SLC26A5: variants seen among roughly 807,000 people sequenced by gnomAD.
SLC26A5 encodes prestin.
SLC26A5 carries 51 observed loss-of-function variants against 81.0 expected under a neutral mutation model. The ratio of observed to expected loss-of-function variants is 0.63; its 90% CI spans 0.50 to 0.80. The LOEUF (loss-of-function observed/expected upper bound fraction) is 0.80, where lower values mean the gene tolerates loss of function less well. Among genes scored for constraint, SLC26A5 ranks in the 30% least tolerant of loss-of-function variants. SLC26A5 has a pLI of 0.00. For missense variants in SLC26A5, 771 were observed against 905.8 expected, an observed-to-expected ratio of 0.85 and a Z score of 1.91; for synonymous variants, 325 against 332.8, an observed-to-expected ratio of 0.98 and a Z score of 0.25.
chr7:103,442,918 T>C (rs1826983756), intron 2 of SLC26A5, among the ~76,000 whole-genome samples, 165 bp downstream of exon 2: 1 of 152,168 alleles, frequency 6.6e-6, no homozygotes, highest in Non-Finnish European at 1.5e-5. Context: ...AAAAGGTAAG[T>C]GTAAGGTGTG....
intron 19 of SLC26A5, among the ~76,000 whole-genome samples, chr7:103,359,138 CTTTT>C (rs35936603): frequency 3.8e-4 from 12 of 31,334 alleles, no homozygotes; most frequent in South Asian, 3.7e-3. Flanking sequence ...CCATGTCTGG[CTTTT>C]TTTTTTTTTT....
chr7:103,424,220 G>T (rs1026118169), intron 2 of SLC26A5, among the ~76,000 whole-genome samples: 8 of 152,046 alleles, frequency 5.3e-5, no homozygotes, highest in African/African-American at 1.7e-4. Context: ...CCAAACCCTT[G>T]TTCTGTCTTC....
In SLC26A5 at chr7:103,376,874, T is replaced by C; in HGVS notation, c.1987-12A>G. 1.9e-6 allele frequency: 3 copies of C among 1,576,620 alleles called. No homozygotes were observed. Among genetic ancestry groups the C allele is most frequent in the Non-Finnish European group, 2.6e-6 (3 of 1,146,618 alleles). Reference sequence around the variant, plus strand: ...TATTCTTTTACAATCTGTAATAATGTTGAAATAAAATTTAGTTTCTCTTTA... The same window carrying C: ...TATTCTTTTACAATCTGTAATAATGCTGAAATAAAATTTAGTTTCTCTTTA... On this transcript the variant is annotated splice_polypyrimidine_tract_variant and intron_variant, in intron 18 of 19. Transcript: ENST00000306312.
chr7:103,378,356 C>T lies in SLC26A5; in HGVS notation c.1785+90G>A, dbSNP rs1349641155. 3.9e-6 allele frequency: 5 copies of T among 1,266,672 alleles called. 1 individual carries two copies. The highest frequency in any genetic ancestry group is 3.6e-5 in the South Asian group (3 of 83,390). 78.5% of individuals were successfully genotyped at this position (1,266,672 alleles called of 1,614,324 possible). On this transcript the variant is annotated intron_variant, in intron 17 of 19. Coordinates refer to ENST00000306312, the MANE Select transcript of SLC26A5 (RefSeq NM_198999.3). The stretch of plus-strand genomic sequence containing the variant: ...CTAAACTTTCCTCTTTTAGTAACTT[C>T]GTGCTGTGTTTAAACTTCAGTCATG...
At chr7:103,402,461 G>A (rs1456113450) in intron 8 of SLC26A5, among the ~76,000 whole-genome samples, 1 of 145,434 alleles carries the variant, frequency 6.9e-6, no homozygotes, top group Non-Finnish European at 1.5e-5. Context: ...GTGCACTAGT[G>A]TGATCTTGGC....
chr7:103,420,662 A>G (rs539159288), intron 4 of SLC26A5, 76 bp downstream of exon 4: 2 of 1,560,198 alleles, frequency 1.3e-6, no homozygotes, highest in South Asian at 1.1e-5. Context: ...TGAATTTGCA[A>G]TCATGATGAA....
At chr7:103,413,149 T>A in intron 4 of SLC26A5, 37 bp from the exon 5 acceptor site, 1 of 1,327,020 alleles carries the variant, frequency 7.5e-7, no homozygotes. Context: ...TGGGGGATCA[T>A]TAGAAGACAG....
intron 9 of SLC26A5, among the ~76,000 whole-genome samples, chr7:103,394,272 C>A (rs994711410): frequency 6.6e-6 from 1 of 152,220 alleles, no homozygotes; most frequent in South Asian, 2.1e-4. Context: ...TCCCTCACAG[C>A]ACTCCCATTA....
At chr7:103,373,979 TTC>T (rs1201602530), downstream of SLC26A5, among the ~76,000 whole-genome samples, 1 of 152,218 alleles carries the variant, frequency 6.6e-6, no homozygotes, top group African/African-American at 2.4e-5. Flanking sequence ...AGTTCCTGTC[TTC>T]TGTTAGATAA....
rs778581129 is a variant in SLC26A5, at chr7:103,362,065, C to T, written c.2042-9139G>A. The T allele has an allele frequency of 2.5e-6, 4 of 1,613,076 alleles. No homozygotes were observed. The South Asian group carries it at 4.4e-5, about 18-fold the overall frequency. On this transcript the variant is annotated intron_variant, in intron 19 of 19. Transcript: ENST00000339444. The stretch of plus-strand genomic sequence containing the variant: ...TTAGTGATCAGGTGGCACCTACTGA[C>T]ATTGAAGAAGGGATGAGAGTGGGGT...
chr7:103,416,693 C>T (rs941866465), intron 4 of SLC26A5, among the ~76,000 whole-genome samples: 3 of 152,064 alleles, frequency 2.0e-5, no homozygotes, highest in Non-Finnish European at 4.4e-5. Context: ...ATTTCAGCTG[C>T]CCCTTGTCCA....
chr7:103,428,591 C>G (rs1192621886), intron 2 of SLC26A5, among the ~76,000 whole-genome samples: 2 of 143,692 alleles, frequency 1.4e-5, no homozygotes, highest in Non-Finnish European at 3.0e-5. Context: ...AAACAGACAC[C>G]TGCTCTTGTT....
intron 1 of SLC26A5, among the ~76,000 whole-genome samples, chr7:103,444,913 G>C (rs1013639510): frequency 3.9e-5 from 6 of 152,164 alleles, no homozygotes; most frequent in African/African-American, 1.4e-4. Context: ...TAGAAGGAAT[G>C]CCTGACAAAA....
At chr7:103,362,284 C>T (rs1362608264) in intron 19 of SLC26A5, 2 of 1,406,058 alleles carry the variant, frequency 1.4e-6, no homozygotes, top group East Asian at 2.7e-5. Flanking sequence ...GACTCCCCTA[C>T]TCCCACTGTT....
At chr7:103,444,773 G>A (rs186258155) in intron 1 of SLC26A5, among the ~76,000 whole-genome samples, 29 of 152,258 alleles carry the variant, frequency 1.9e-4, no homozygotes, top group Admixed American at 7.9e-4. Flanking sequence ...TAAGATATGA[G>A]CTATAGCAAC....
chr7:103,427,886 T>C (rs1476319774), intron 2 of SLC26A5, among the ~76,000 whole-genome samples: 2 of 148,468 alleles, frequency 1.3e-5, no homozygotes, highest in Non-Finnish European at 3.0e-5. Flanking sequence ...GGAGTCTCAC[T>C]CTGTCGCCCA....
chr7:103,400,081 T>C (rs1197119931), intron 8 of SLC26A5, among the ~76,000 whole-genome samples: 1 of 151,876 alleles, frequency 6.6e-6, no homozygotes. Flanking sequence ...TTTGGGTATA[T>C]ACCCAGTAAC....
chr7:103,378,402 C>A (rs1436584486), intron 17 of SLC26A5, 44 bp downstream of exon 17: 1 of 1,562,910 alleles, frequency 6.4e-7, no homozygotes, highest in Non-Finnish European at 8.8e-7. Flanking sequence ...GAGGGCATTG[C>A]AGAACAAGAC....
intron 19 of SLC26A5, among the ~76,000 whole-genome samples, chr7:103,360,361 C>CA (rs1333984792): frequency 6.6e-6 from 1 of 151,226 alleles, no homozygotes; most frequent in Non-Finnish European, 1.5e-5. Context: ...TGGTCAGCCT[C>CA]TTTTTTTTTG....
Sources: allele counts gnomAD v4.1 joint callset (sites outside exome capture counted in the v4.1 genomes callset), GRCh38; gene constraint gnomAD v4.1.1; transcripts MANE v1.5; gene names NCBI Gene and HGNC (gene_info 2026-07-23, HGNC 2026-07-21).